Variants in ADAMTS6 observed in about 807,000 individuals in gnomAD.
ADAMTS6 encodes ADAM metallopeptidase with thrombospondin type 1 motif 6.
In ADAMTS6, 23 loss-of-function variants were observed where a neutral mutation model predicts 144.3. The observed-to-expected ratio is 0.16, with a 90% CI of 0.11 to 0.23. The LOEUF is 0.23. Ranked by LOEUF, ADAMTS6 falls within the 10% of genes least tolerant of loss-of-function variation. The probability of loss-of-function intolerance (pLI) is 1.00; values close to 1 mark genes in which losing one functional copy is unlikely to be tolerated. For missense variants in ADAMTS6, 999 were observed against 1,379.6 expected (o/e 0.72, Z 4.37); for synonymous variants, 444 against 457.5 (o/e 0.97, Z 0.38).
chr5:65,262,353 G>A (rs1011522568), intron 13 of ADAMTS6, among the ~76,000 whole-genome samples: 1 of 152,222 alleles, frequency 6.6e-6, no homozygotes, highest in Non-Finnish European at 1.5e-5. Context: ...TCTTTTCATT[G>A]TGATTTGTGA....
intron 14 of ADAMTS6, among the ~76,000 whole-genome samples, chr5:65,256,734 G>T (rs1000295202): frequency 7.9e-5 from 12 of 151,974 alleles, no homozygotes; most frequent in African/African-American, 1.9e-4. Flanking sequence ...TATCATTAGG[G>T]TCTAAATGTA....
intron 14 of ADAMTS6, among the ~76,000 whole-genome samples, chr5:65,247,222 A>G (rs919250515): frequency 6.6e-6 from 1 of 152,222 alleles, no homozygotes; most frequent in Non-Finnish European, 1.5e-5. Context: ...AAATAAATTA[A>G]TAATAGCATC....
chr5:65,430,961 T>C (rs1156929563), intron 7 of ADAMTS6, among the ~76,000 whole-genome samples: 1 of 152,202 alleles, frequency 6.6e-6, no homozygotes, highest in African/African-American at 2.4e-5. Context: ...TGTTTACTTA[T>C]TCATAATCAA....
intron 11 of ADAMTS6, among the ~76,000 whole-genome samples, chr5:65,279,348 G>A (rs1315636342): frequency 4.6e-5 from 7 of 151,860 alleles, no homozygotes; most frequent in Non-Finnish European, 8.8e-5. Context: ...ACATAGTCTC[G>A]TTCTGTCACC....
intron 9 of ADAMTS6, among the ~76,000 whole-genome samples, chr5:65,318,002 G>A (rs2112868607): frequency 6.7e-6 from 1 of 149,714 alleles, no homozygotes; most frequent in South Asian, 2.1e-4. Context: ...GTGAACCTGG[G>A]AGGTGGAGCT....
At chr5:65,313,859 C>T (rs116337458) in intron 9 of ADAMTS6, among the ~76,000 whole-genome samples, 18 of 152,140 alleles carry the variant, frequency 1.2e-4, no homozygotes, top group African/African-American at 2.2e-4. Flanking sequence ...CACTTTACAA[C>T]GCAAACATGC....
chr5:65,460,299 C>G lies in ADAMTS6; in HGVS notation c.502G>C (p.Glu168Gln). The G allele has an allele frequency of 6.2e-7, 1 of 1,612,864 alleles. No homozygotes were observed. The highest frequency in any genetic ancestry group is 8.5e-7 in the Non-Finnish European group (1 of 1,179,428). Residue 168 changes from glutamate (E) to glutamine (Q), a missense_variant, in exon 4 of 25, where the codon GAA (glutamate) becomes CAA (glutamine). By Grantham distance (29) the Glu-to-Gln change is conservative. This residue lies in a region of ADAMTS6 where 252 missense variants were observed against 293.7 expected (regional missense o/e 0.86). Coordinates refer to ENST00000381055, the MANE Select transcript of ADAMTS6 (RefSeq NM_197941.4). ...IATEDEEYFI[E>Q]PLKNTTEDSK... ...TCCTCTGTGGTATTCTTTAAAGGTT[C>G]GATAAAATACTCTTCATCTTCTGTA...
At chr5:65,369,113 C>T (rs769471752) in intron 7 of ADAMTS6, among the ~76,000 whole-genome samples, 1 of 151,944 alleles carries the variant, frequency 6.6e-6, no homozygotes, top group Non-Finnish European at 1.5e-5. Context: ...CCAGCTACCC[C>T]AGAGGCTGAG....
chr5:65,377,846 G>T (rs573775304), intron 7 of ADAMTS6, among the ~76,000 whole-genome samples: 49 of 152,138 alleles, frequency 3.2e-4, no homozygotes, highest in Admixed American at 4.6e-4. Context: ...TGAAATGAAG[G>T]TATCAGCAGG....
intron 7 of ADAMTS6, among the ~76,000 whole-genome samples, chr5:65,383,320 T>C (rs1752198113): frequency 6.6e-6 from 1 of 152,146 alleles, no homozygotes; most frequent in African/African-American, 2.4e-5. Flanking sequence ...GTTTGACTCA[T>C]CCTGAGGCAA....
chr5:65,258,333 G>A (rs907044526), intron 14 of ADAMTS6, among the ~76,000 whole-genome samples: 7 of 152,166 alleles, frequency 4.6e-5, no homozygotes, highest in Non-Finnish European at 7.3e-5. Flanking sequence ...GAAGGTAGGA[G>A]CATGTCAGGC....
intron 20 of ADAMTS6, among the ~76,000 whole-genome samples, chr5:65,200,751 C>T (rs756469831): frequency 1.9e-4 from 29 of 151,544 alleles, no homozygotes; most frequent in Non-Finnish European, 3.5e-4. Context: ...TTCCTCCATG[C>T]TTAAAAAAAG....
At chr5:65,250,981 A>C (rs1670186569) in intron 14 of ADAMTS6, 1 of 152,214 alleles carries the variant, frequency 6.6e-6, no homozygotes, top group South Asian at 2.1e-4. Context: ...TAGTTACAAT[A>C]TGTACATCAA....
chr5:65,320,032 G>A (rs951106423), intron 9 of ADAMTS6, among the ~76,000 whole-genome samples: 4 of 151,900 alleles, frequency 2.6e-5, no homozygotes, highest in Admixed American at 1.3e-4. Flanking sequence ...TAGTAGAGAC[G>A]GGGTTTCTCC....
intron 1 of ADAMTS6, among the ~76,000 whole-genome samples, chr5:65,477,587 A>G (rs906882106): frequency 5.3e-5 from 8 of 152,242 alleles, no homozygotes; most frequent in Admixed American, 1.3e-4. Flanking sequence ...CTATTTGGCC[A>G]GAAGTAGACT....
intron 18 of ADAMTS6, among the ~76,000 whole-genome samples, chr5:65,223,995 T>C (rs948395410): frequency 2.0e-5 from 3 of 152,000 alleles, no homozygotes; most frequent in African/African-American, 7.2e-5. Flanking sequence ...AGAGATGGGG[T>C]TTCACTGTGT....
chr5:65,341,935 T>A (rs1391735125), intron 7 of ADAMTS6, among the ~76,000 whole-genome samples: 1 of 151,958 alleles, frequency 6.6e-6, no homozygotes, highest in East Asian at 1.9e-4. Flanking sequence ...GACACAAAAA[T>A]CTTCAATAAA....
At position 65,214,570 on chromosome 5, in the gene ADAMTS6, G is replaced by T; in HGVS notation, c.2575+224C>A. 2 of 620,324 alleles carry T rather than the reference G, an allele frequency of 3.2e-6. No homozygotes were observed. The highest frequency in any genetic ancestry group is 5.6e-6 in the Non-Finnish European group (2 of 357,574). The allele number at this position is 620,324 out of a possible 1,614,324, so 38.4% of individuals were successfully genotyped here. ...AGAAGCACCAGCAGAGACACTCATTGTGCCAAGATGTATTTTACCAACAAA... is the reference window on the plus strand; with the variant it reads ...AGAAGCACCAGCAGAGACACTCATTTTGCCAAGATGTATTTTACCAACAAA... On this transcript the variant is annotated intron_variant, in intron 20 of 24. Transcript: ENST00000381055. The surrounding 1 kb of genome is among the most constrained non-coding windows in gnomAD (Gnocchi z 4.6).
In ADAMTS6 at chr5:65,461,149, G is replaced by A. The variant is rs114969621; in HGVS notation, c.463-811C>T. On this transcript the variant is annotated intron_variant, in intron 3 of 24. Coordinates refer to ENST00000381055, the MANE Select transcript of ADAMTS6 (RefSeq NM_197941.4). ...TATTTACTTAGCCAAGTGCTACTCA[G>A]TTATCTCTCCTCTTTAAAAACCTTC... Among the ~76,000 whole-genome samples, 551 of 152,240 alleles carry A rather than the reference G, an allele frequency of 3.6e-3. 3 individuals are homozygous for A. Among genetic ancestry groups the A allele is most frequent in the African/African-American group, 0.012 (508 of 41,530 alleles).
Sources: gnomAD v4.1 joint callset for allele counts (sites outside exome capture counted in the v4.1 genomes callset) on GRCh38, gnomAD v4.1.1 for gene constraint, gnomAD v4.1.1 regional missense constraint, Gnocchi (gnomAD v3.1) non-coding constraint, MANE v1.5 for transcripts, NCBI Gene and HGNC (gene_info 2026-07-23, HGNC 2026-07-21) for gene names.